YWHAB: variants seen among roughly 807,000 people sequenced by gnomAD.
YWHAB encodes the protein 14-3-3 protein beta/alpha.
Under a neutral mutation model 28.5 loss-of-function variants are expected in YWHAB, and 2 were observed. The ratio of observed to expected loss-of-function variants is 0.07; its 90% CI spans 0.03 to 0.22. The LOEUF is 0.22. Ranked by LOEUF, YWHAB falls within the 10% of genes least tolerant of loss-of-function variation. The pLI, the probability that YWHAB is intolerant of heterozygous loss-of-function variation, is 1.00. For missense variants in YWHAB, 148 were observed against 297.1 expected (o/e 0.50, Z 3.69); for synonymous variants, 103 against 104.7 (o/e 0.98, Z 0.10).
intron 1 of YWHAB, among the ~76,000 whole-genome samples, chr20:44,896,147 A>T (rs140580990): frequency 4.6e-5 from 7 of 152,356 alleles, no homozygotes; most frequent in African/African-American, 1.7e-4. Flanking sequence ...TAGGAATAGA[A>T]TATAAGCCAC....
rs2066660725 is a variant in YWHAB at position 44,906,828 on chromosome 20, C to G, written c.*390C>G. 6.2e-6 allele frequency: 1 copy of G among 160,458 alleles called. No homozygotes were observed. The highest frequency in any genetic ancestry group is 1.4e-5 in the Non-Finnish European group (1 of 72,366). 9.9% of individuals were successfully genotyped at this position (160,458 alleles called of 1,614,324 possible). On this transcript the variant is annotated 3_prime_UTR_variant, in exon 6 of 6. Coordinates refer to ENST00000353703, the MANE Select transcript of YWHAB (RefSeq NM_139323.4). Reference sequence around the variant, plus strand: ...TGATATCAAAATAATCATTGAAATACAATTCCATTGTAAAGTTGTACAGAA... The same window carrying G: ...TGATATCAAAATAATCATTGAAATAGAATTCCATTGTAAAGTTGTACAGAA...
At chr20:44,896,528 G>A (rs1465579282) in intron 1 of YWHAB, among the ~76,000 whole-genome samples, 3 of 152,236 alleles carry the variant, frequency 2.0e-5, no homozygotes, top group Non-Finnish European at 4.4e-5. Context: ...CTGGAAGATA[G>A]GTTGGCAAGC....
At position 44,893,755 on chromosome 20, in the gene YWHAB, G is replaced by A. The variant is rs2066578066; in HGVS notation, c.-3-7776G>A. Among the ~76,000 whole-genome samples, 3 of 131,788 alleles carry A rather than the reference G, an allele frequency of 2.3e-5. No homozygotes were observed. In the South Asian group the frequency reaches 7.6e-4, roughly 34 times the overall value. 86.5% of individuals were successfully genotyped at this position (131,788 alleles called of 152,430 possible). On this transcript the variant is annotated intron_variant, in intron 1 of 5. Coordinates refer to ENST00000353703, the MANE Select transcript of YWHAB (RefSeq NM_139323.4). ...CTCTTGTCGCCCAGGCTGGAGTGTA[G>A]TGGCGCAGTTTCGGCTCACTGCAAC...
intron 4 of YWHAB, 124 bp downstream of exon 4, chr20:44,905,255 T>C (rs1410355382): frequency 2.1e-6 from 2 of 944,404 alleles, no homozygotes; most frequent in African/African-American, 1.7e-5. Context: ...GGGGTGGGAG[T>C]GTATCTTTTA....
intron 1 of YWHAB, among the ~76,000 whole-genome samples, chr20:44,896,646 A>G (rs1304476908): frequency 6.6e-6 from 1 of 152,266 alleles, no homozygotes; most frequent in African/African-American, 2.4e-5. Flanking sequence ...TGGGTCTTAC[A>G]GCAAAGGCAT....
chr20:44,895,163 G>A (rs1339847112), intron 1 of YWHAB, among the ~76,000 whole-genome samples: 1 of 152,190 alleles, frequency 6.6e-6, no homozygotes, highest in East Asian at 1.9e-4. Flanking sequence ...AGGGTTTGTA[G>A]CCCTAGAAGA....
At chr20:44,894,123 T>G (rs2066581031) in intron 1 of YWHAB, among the ~76,000 whole-genome samples, 1 of 152,214 alleles carries the variant, frequency 6.6e-6, no homozygotes, top group Admixed American at 6.5e-5. Flanking sequence ...ATCCAGTGGC[T>G]TAGAACAGAT....
chr20:44,894,151 A>C (rs2066581202), intron 1 of YWHAB, among the ~76,000 whole-genome samples: 1 of 152,142 alleles, frequency 6.6e-6, no homozygotes, highest in African/African-American at 2.4e-5. Flanking sequence ...CATCATCATC[A>C]TATAGGTGTG....
At chr20:44,887,229 G>C (rs531896848) in intron 1 of YWHAB, 1 of 152,306 alleles carries the variant, frequency 6.6e-6, no homozygotes, top group East Asian at 1.9e-4. Context: ...GCAACACACG[G>C]TGTGTGAGTG....
chr20:44,890,823 A>G (rs1458102690), intron 1 of YWHAB, among the ~76,000 whole-genome samples: 2 of 151,744 alleles, frequency 1.3e-5, no homozygotes, highest in Non-Finnish European at 2.9e-5. Context: ...TCCTACTTTA[A>G]GCTCACAATC....
intron 3 of YWHAB, among the ~76,000 whole-genome samples, chr20:44,904,761 T>G (rs2066647023): frequency 6.6e-6 from 1 of 152,212 alleles, no homozygotes; most frequent in Admixed American, 6.5e-5. Flanking sequence ...TTGTCATAAT[T>G]GTTTTCCCCC....
chr20:44,890,500 CTTTTTT>C (rs35619333), intron 1 of YWHAB, among the ~76,000 whole-genome samples: 10 of 86,388 alleles, frequency 1.2e-4, no homozygotes, highest in South Asian at 9.4e-4. Context: ...TGGATTCCTA[CTTTTTT>C]TTTTTTTTTT....
At chr20:44,903,004 G>A (rs1269244135) in intron 2 of YWHAB, 4 of 973,282 alleles carry the variant, frequency 4.1e-6, no homozygotes, top group Non-Finnish European at 3.7e-6. Flanking sequence ...AGAATGTGAA[G>A]AAGAGCTTGG....
At chr20:44,905,280 ATC>A in intron 4 of YWHAB, 149 bp downstream of exon 4, 1 of 649,802 alleles carries the variant, frequency 1.5e-6, no homozygotes, top group Non-Finnish European at 2.3e-6. Flanking sequence ...ATAAATACAG[ATC>A]TGTTACTTTT....
chr20:44,897,125 T>G (rs1050241222), intron 1 of YWHAB, among the ~76,000 whole-genome samples: 2 of 152,214 alleles, frequency 1.3e-5, no homozygotes, highest in African/African-American at 4.8e-5. Context: ...GAGGTCCCAC[T>G]GAATAGTCCA....
chr20:44,891,650 A>G (rs201768611), intron 1 of YWHAB, among the ~76,000 whole-genome samples: 1 of 71,780 alleles, frequency 1.4e-5, no homozygotes, highest in Non-Finnish European at 2.9e-5. Flanking sequence ...ATTAAGTCAC[A>G]TGTGTAACCT....
rs533101008 is a variant in YWHAB, at chr20:44,891,172, G to A, written c.-4+5286G>A. On this transcript the variant is annotated intron_variant, in intron 1 of 5. Coordinates refer to ENST00000353703, the MANE Select transcript of YWHAB (RefSeq NM_139323.4). ...CTTGCTCTGTCGCCTAGGCTGGAGT[G>A]CAGTGGCGTGATCTCAGCTCACTGC... Among the ~76,000 whole-genome samples, 3 of 151,742 alleles carry A rather than the reference G, an allele frequency of 2.0e-5. No individual in the cohort carries two copies. The South Asian group carries it at 6.2e-4, about 32-fold the overall frequency.
Position 44,906,558 on chromosome 20 carries a change from C to T in YWHAB, c.*120C>T. 2 of 848,124 alleles carry T rather than the reference C, an allele frequency of 2.4e-6. No homozygotes were observed. Among genetic ancestry groups the T allele is most frequent in the Non-Finnish European group, 3.4e-6 (2 of 585,702 alleles). The allele number at this position is 848,124 out of a possible 1,614,324, so 52.5% of individuals were successfully genotyped here. The stretch of plus-strand genomic sequence containing the variant: ...TCGTACGTCGACTTTCGATTTTTCA[C>T]AGCCTCAGCCTAGGAAAAATGGTTC... On this transcript the variant is annotated 3_prime_UTR_variant, in exon 6 of 6. Coordinates refer to ENST00000353703, the MANE Select transcript of YWHAB (RefSeq NM_139323.4).
chr20:44,905,900 C>A, intron 4 of YWHAB, 101 bp from the exon 5 acceptor site: 1 of 828,566 alleles, frequency 1.2e-6, no homozygotes, highest in South Asian at 1.6e-5. Flanking sequence ...CCCCAAAGTA[C>A]TGTACAAGAA....
Sources: allele counts gnomAD v4.1 joint callset (sites outside exome capture counted in the v4.1 genomes callset), GRCh38; gene constraint gnomAD v4.1.1; transcripts MANE v1.5; gene names NCBI Gene and HGNC (gene_info 2026-07-23, HGNC 2026-07-21).